PRPSAP1: variants seen among roughly 807,000 people sequenced by gnomAD.
PRPSAP1 encodes phosphoribosyl pyrophosphate synthase-associated protein 1.
Under a neutral mutation model 39.4 loss-of-function variants are expected in PRPSAP1, and 31 were observed. The ratio of observed to expected loss-of-function variants is 0.79; its 90% confidence interval spans 0.59 to 1.06. PRPSAP1 has a LOEUF of 1.06. PRPSAP1 is among the 50% of genes least tolerant of loss of function. The probability of loss-of-function intolerance (pLI) is 0.00; values close to 1 mark genes in which losing one functional copy is unlikely to be tolerated. For synonymous variants in PRPSAP1, 212 were observed against 192.6 expected, an observed-to-expected ratio of 1.10 and a Z score of -0.83; for missense variants, 430 against 511.6, an observed-to-expected ratio of 0.84 and a Z score of 1.54.
At chr17:76,340,225 A>T (rs1458278958) in intron 3 of PRPSAP1, among the ~76,000 whole-genome samples, 1 of 151,434 alleles carries the variant, frequency 6.6e-6, no homozygotes, top group African/African-American at 2.4e-5. Flanking sequence ...GCCTCAAGTG[A>T]TCCTCTCACC....
At chr17:76,328,391 A>C (rs564262203) in intron 7 of PRPSAP1, among the ~76,000 whole-genome samples, 4 of 152,216 alleles carry the variant, frequency 2.6e-5, no homozygotes, top group Admixed American at 1.3e-4. Context: ...GGAGCAGATC[A>C]CGAGGTCTGG....
At chr17:76,312,738 C>T in intron 9 of PRPSAP1, 132 bp downstream of exon 9, 4 of 1,205,818 alleles carry the variant, frequency 3.3e-6, no homozygotes, top group Non-Finnish European at 4.6e-6. Flanking sequence ...GTATCTGTCC[C>T]AACGAACTGC....
chr17:76,344,731 CTT>C lies in PRPSAP1; in HGVS notation c.228_229del (p.Arg77SerfsTer2), dbSNP rs749392722. ...ACGAACAGATTCTTTTATTTCAACT[CTT>C]GTTTCTGAAAAATAAAAATGTTCTG... On this transcript the variant is annotated frameshift_variant, in exon 3 of 10. Transcript: ENST00000446526. LOFTEE classifies it high-confidence loss of function. The C allele has an allele frequency of 1.7e-5, 27 of 1,566,902 alleles. No individual in the cohort carries two copies. Among genetic ancestry groups the C allele is most frequent in the Middle Eastern group, 1.7e-4 (1 of 5,962 alleles).
At chr17:76,330,360 A>G (rs1184017391) in intron 5 of PRPSAP1, 191 bp downstream of exon 5, 2 of 604,270 alleles carry the variant, frequency 3.3e-6, no homozygotes, top group African/African-American at 3.7e-5. Flanking sequence ...ACGTAGAAAA[A>G]AAATCTGTTT....
chr17:76,354,030 G>A, upstream of PRPSAP1: 4 of 1,131,110 alleles, frequency 3.5e-6, no homozygotes, highest in South Asian at 3.5e-5. Flanking sequence ...TTCTTCCGAG[G>A]GGCATGTCAC....
chr17:76,320,837 A>G (rs1185202500), intron 7 of PRPSAP1, among the ~76,000 whole-genome samples: 1 of 150,478 alleles, frequency 6.6e-6, no homozygotes, highest in Admixed American at 6.6e-5. Flanking sequence ...GCTGGAGTGC[A>G]GTGGTGCGAT....
intron 9 of PRPSAP1, among the ~76,000 whole-genome samples, chr17:76,312,246 G>A (rs1382409996): frequency 6.6e-6 from 1 of 152,276 alleles, no homozygotes; most frequent in East Asian, 1.9e-4. Flanking sequence ...TTTGAGACCA[G>A]CCTGGCCAAC....
intron 7 of PRPSAP1, 116 bp from the exon 8 acceptor site, chr17:76,314,007 A>C: frequency 9.2e-7 from 1 of 1,081,524 alleles, no homozygotes; most frequent in Non-Finnish European, 1.4e-6. Context: ...CAAAAAACAA[A>C]CAAACCATGC....
At chr17:76,353,473 C>A in intron 1 of PRPSAP1, 61 bp downstream of exon 1, 1 of 1,417,396 alleles carries the variant, frequency 7.1e-7, no homozygotes, top group South Asian at 1.4e-5. Context: ...CGGGTCCCTC[C>A]GGGCGCGAAG....
At chr17:76,321,672 CTAAGTGTT>C (rs1226379313) in intron 7 of PRPSAP1, among the ~76,000 whole-genome samples, 1 of 152,134 alleles carries the variant, frequency 6.6e-6, no homozygotes, top group Non-Finnish European at 1.5e-5. Flanking sequence ...ACAATGGCCT[CTAAGTGTT>C]TAAGTGAAAG....
At chr17:76,351,028 G>A (rs913826655) in intron 1 of PRPSAP1, among the ~76,000 whole-genome samples, 1 of 151,402 alleles carries the variant, frequency 6.6e-6, no homozygotes, top group African/African-American at 2.4e-5. Context: ...GCAAAACTTC[G>A]TCTCAAAAAC....
rs1328337939 is a variant in PRPSAP1, at chr17:76,315,520, G to C, written c.782-1629C>G. Among the ~76,000 whole-genome samples, 6 of 151,792 alleles carry C rather than the reference G, an allele frequency of 4.0e-5. No individual in the cohort carries two copies. The East Asian group carries it at 1.2e-3, about 29-fold the overall frequency. On this transcript the variant is annotated intron_variant, in intron 7 of 9. Transcript: ENST00000446526. ...ACATTTCAACAAACATATATTTCCTGATTTCACATCCTAGAAACAAAGACA... is the reference window on the plus strand; with the variant it reads ...ACATTTCAACAAACATATATTTCCTCATTTCACATCCTAGAAACAAAGACA...
chr17:76,340,842 C>G (rs2017942), intron 3 of PRPSAP1, among the ~76,000 whole-genome samples: 10,679 of 145,884 alleles, frequency 0.073, 726 homozygotes, highest in African/African-American at 0.19. Flanking sequence ...GTGGGGTTTG[C>G]AGTGAACCGA....
intron 3 of PRPSAP1, among the ~76,000 whole-genome samples, chr17:76,343,631 T>A (rs1045009338): frequency 6.6e-6 from 1 of 152,088 alleles, no homozygotes; most frequent in Non-Finnish European, 1.5e-5. Flanking sequence ...GGTCAGGAGT[T>A]CAAGACCAGC....
intron 1 of PRPSAP1, among the ~76,000 whole-genome samples, chr17:76,349,064 A>T (rs2071540563): frequency 6.6e-6 from 1 of 152,182 alleles, no homozygotes; most frequent in East Asian, 1.9e-4. Flanking sequence ...TAATCCCAGC[A>T]CTTTGGGAGG....
At chr17:76,326,873 C>G (rs536742253) in intron 7 of PRPSAP1, among the ~76,000 whole-genome samples, 1 of 151,814 alleles carries the variant, frequency 6.6e-6, no homozygotes, top group South Asian at 2.1e-4. Flanking sequence ...TACAAATATA[C>G]ACGAAGGTAT....
At chr17:76,315,598 A>G (rs1038556707) in intron 7 of PRPSAP1, among the ~76,000 whole-genome samples, 4 of 150,090 alleles carry the variant, frequency 2.7e-5, no homozygotes, top group African/African-American at 9.8e-5. Flanking sequence ...ATCACTTAAA[A>G]TGGGGGGAGG....
chr17:76,330,723 T>C, intron 4 of PRPSAP1, 57 bp from the exon 5 acceptor site: 1 of 1,147,036 alleles, frequency 8.7e-7, no homozygotes, highest in Non-Finnish European at 1.3e-6. Context: ...ATGGCTACAG[T>C]GGACCTAAAC....
chr17:76,342,471 T>C (rs929908155), intron 3 of PRPSAP1, among the ~76,000 whole-genome samples: 9 of 152,044 alleles, frequency 5.9e-5, no homozygotes, highest in African/African-American at 9.7e-5. Context: ...CCCAGCACTT[T>C]GGGAGGCTGA....
Sources: gnomAD v4.1 joint callset for allele counts (sites outside exome capture counted in the v4.1 genomes callset) on GRCh38, gnomAD v4.1.1 for gene constraint, MANE v1.5 for transcripts, NCBI Gene and HGNC (gene_info 2026-07-23, HGNC 2026-07-21) for gene names.